NOTCH4: variants seen among roughly 807,000 people sequenced by gnomAD.
NOTCH4 encodes the protein neurogenic locus notch homolog protein 4.
Under a neutral mutation model 189.0 loss-of-function variants are expected in NOTCH4, and 138 were observed. The observed-to-expected ratio is 0.73, with a 90% confidence interval of 0.64 to 0.84. The LOEUF (loss-of-function observed/expected upper bound fraction) is 0.84. Ranked by LOEUF, NOTCH4 falls within the 40% of genes least tolerant of loss-of-function variation. The pLI is 0.00. For missense variants in NOTCH4, 2,286 were observed against 2,605.4 expected (o/e 0.88, Z 2.67); for synonymous variants, 942 against 1,032.8 (o/e 0.91, Z 1.69).
intron 8 of NOTCH4, 116 bp from the exon 9 acceptor site, chr6:32,218,224 G>A (rs1186127839): frequency 8.7e-6 from 6 of 689,396 alleles, no homozygotes; most frequent in African/African-American, 7.0e-5. Flanking sequence ...CCCCCGAGGT[G>A]CTGTCTGCAT....
chr6:32,197,352 C>T lies in NOTCH4; in HGVS notation c.4999G>A (p.Gly1667Arg). The change falls in exon 27 of 30, where the codon GGG (glycine) becomes AGG (arginine). Residue 1667 changes from glycine (G) to arginine (R), a missense_variant. Physicochemically the swap from Gly to Arg is moderately radical, Grantham distance 125. Around this residue, in one of 2 missense-constraint regions of NOTCH4, gnomAD observed 1,903 missense variants for 2,261.9 expected, o/e 0.84. Coordinates refer to ENST00000375023, the MANE Select transcript of NOTCH4 (RefSeq NM_004557.4). ...GANPNQPDRAGRTPLHAAVAA... is the reference protein window; with the variant it reads ...GANPNQPDRARRTPLHAAVAA... ...ACAGCAGCATGAAGGGGTGTGCGCC[C>T]TGCCCGGTCTGGCTGGTTGGGGTTG... is the stretch of plus-strand genomic sequence containing the variant. 1 of 1,535,334 alleles carries T rather than the reference C, an allele frequency of 6.5e-7. No individual in the cohort carries two copies.
chr6:32,195,968 G>C lies in NOTCH4; in HGVS notation c.5481C>G (p.Ala1827=), dbSNP rs772446887. Reference sequence around the variant, plus strand: ...CGCGGCCCGGCGTGGCTTTGTGACGGGCCTCTGGTGGCCCAGCCCCTTCCA... The same window carrying C: ...CGCGGCCCGGCGTGGCTTTGTGACGCGCCTCTGGTGGCCCAGCCCCTTCCA... ...TLLEGAGPPE[A]RHKATPGREA... The change falls in exon 30 of 30, where the codon GCC becomes GCG. Residue 1827 remains alanine (A), a synonymous_variant. Coordinates refer to ENST00000375023, the MANE Select transcript of NOTCH4 (RefSeq NM_004557.4). The surrounding 1 kb of genome is among the most constrained non-coding windows in gnomAD (Gnocchi z 5.4). 2.5e-6 allele frequency: 4 copies of C among 1,597,112 alleles called. No individual in the cohort carries two copies. Among genetic ancestry groups the C allele is most frequent in the Non-Finnish European group, 3.4e-6 (4 of 1,178,606 alleles).
In NOTCH4 at chr6:32,198,654, C is replaced by T; in HGVS notation, c.4612G>A (p.Gly1538Ser). 6.2e-7 allele frequency: 1 copy of T among 1,612,116 alleles called. No individual in the cohort carries two copies. The highest frequency in any genetic ancestry group is 8.5e-7 in the Non-Finnish European group (1 of 1,179,614). The change falls in exon 25 of 30, where the codon GGC becomes AGC. Residue 1538 changes from glycine (G) to serine (S), a missense_variant. By Grantham distance (56) the Gly-to-Ser change is moderately conservative. This residue lies in a region of NOTCH4 where 1,903 missense variants were observed against 2,261.9 expected (regional missense o/e 0.84). Transcript: ENST00000375023. This position sits in a 1 kb window ranked among gnomAD's most constrained non-coding sequence, Gnocchi z 5.5. ...TCTTGCCCCAGCCCTTTCACCTGGCCCACCTCCTCTCCCTCCTCAGGGCCT... is the reference window on the plus strand; with the variant it reads ...TCTTGCCCCAGCCCTTTCACCTGGCTCACCTCCTCTCCCTCCTCAGGGCCT... ...CSGPEEGEEVGQAEETGPPST... is the reference protein window; with the variant it reads ...CSGPEEGEEVSQAEETGPPST...
In NOTCH4 at chr6:32,195,592, A is replaced by G. The variant is rs1314841244; in HGVS notation, c.5857T>C (p.Trp1953Arg). 2 of 1,612,998 alleles carry G rather than the reference A, an allele frequency of 1.2e-6. No homozygotes were observed. Among genetic ancestry groups the G allele is most frequent in the East Asian group, 2.2e-5 (1 of 44,900 alleles). ...GAACCGCAAGCTCCCAGGGCCACCC[A>G]ATCACAGGGCCAGTCATCCGTTGAG... ...RVSTDDWPCDWVALGACGSAS... is the reference protein window; with the variant it reads ...RVSTDDWPCDRVALGACGSAS... The change falls in exon 30 of 30, where the codon TGG becomes CGG. Residue 1953 changes from tryptophan (W) to arginine (R), a missense_variant. Transcript: ENST00000375023. This position sits in a 1 kb window ranked among gnomAD's most constrained non-coding sequence, Gnocchi z 5.4.
chr6:32,217,166 G>A lies in NOTCH4; in HGVS notation c.1725C>T (p.Cys575=), dbSNP rs750425614. ...GCCCCAGTTTACCTGGGAGACACTT[G>A]CAGTGGAAGGCTCCAGGCTGGTCCT... ...QCQDQPGAFH[C]KCLPGFEGPR... Residue 575 remains cysteine, a synonymous_variant, in exon 10 of 30, where the codon TGC becomes TGT. Coordinates refer to ENST00000375023, the MANE Select transcript of NOTCH4 (RefSeq NM_004557.4). This position sits in a 1 kb window ranked among gnomAD's most constrained non-coding sequence, Gnocchi z 4.2. 6.2e-7 allele frequency: 1 copy of A among 1,612,898 alleles called. No homozygotes were observed. The highest frequency in any genetic ancestry group is 1.1e-5 in the South Asian group (1 of 91,078).
rs488771 is a variant in NOTCH4, at chr6:32,198,111, A to G, written c.4756+310T>C. On this transcript the variant is annotated intron_variant, in intron 26 of 29. Transcript: ENST00000375023. This position sits in a 1 kb window ranked among gnomAD's most constrained non-coding sequence, Gnocchi z 5.5. Reference sequence around the variant, plus strand: ...GCTGGGATTACAGGCGTGAGCCACCACGCCCGGCCTAGCAGTGGTTTTCTC... The same window carrying G: ...GCTGGGATTACAGGCGTGAGCCACCGCGCCCGGCCTAGCAGTGGTTTTCTC... 6.6e-6 allele frequency among the ~76,000 whole-genome samples: 1 copy of G among 152,106 alleles called. No individual in the cohort carries two copies.
chr6:32,199,181 T>C lies in NOTCH4; in HGVS notation c.4316-36A>G. On this transcript the variant is annotated intron_variant, in intron 23 of 29. Coordinates refer to ENST00000375023, the MANE Select transcript of NOTCH4 (RefSeq NM_004557.4). The surrounding 1 kb of genome is among the most constrained non-coding windows in gnomAD (Gnocchi z 4.9). ...AGACAGAGTCACAAAGAGAGGCCAC[T>C]CCTGGTGAGACTGATTACTATTGGG... The C allele has an allele frequency of 6.8e-7, 1 of 1,471,916 alleles. No homozygotes were observed. Among genetic ancestry groups the C allele is most frequent in the Non-Finnish European group, 9.2e-7 (1 of 1,092,026 alleles). The allele number at this position is 1,471,916 out of a possible 1,614,324, so 91.2% of individuals were successfully genotyped here.
chr6:32,204,475 GT>G, intron 18 of NOTCH4, 86 bp from the exon 19 acceptor site: 4 of 1,457,556 alleles, frequency 2.7e-6, no homozygotes, highest in Non-Finnish European at 3.7e-6. Context: ...AGTCTGTCCA[GT>G]CCCCCACCTT....
At chr6:32,220,021 G>T in intron 7 of NOTCH4, 108 bp downstream of exon 7, 1 of 1,351,904 alleles carries the variant, frequency 7.4e-7, no homozygotes, top group South Asian at 1.2e-5. Flanking sequence ...CAAATTCAAG[G>T]AAAAAGATGT....
In NOTCH4 at chr6:32,210,849, T is replaced by G. The variant is rs778334917; in HGVS notation, c.2768A>C (p.Gln923Pro). 1 of 1,612,940 alleles carries G rather than the reference T, an allele frequency of 6.2e-7. No homozygotes were observed. Among genetic ancestry groups the G allele is most frequent in the Non-Finnish European group, 8.5e-7 (1 of 1,179,982 alleles). ...SYFCHCPPGF[Q>P]GSLCQDHVNP... ...CACGTGATCCTGGCACAGGCTGCCT[T>G]GGAATCCAGGGGGGCAGTGGCAGAA... Residue 923 changes from glutamine to proline, a missense_variant, in exon 18 of 30, where the codon CAA becomes CCA. Around this residue, in one of 2 missense-constraint regions of NOTCH4, gnomAD observed 1,903 missense variants for 2,261.9 expected, o/e 0.84. Coordinates refer to ENST00000375023, the MANE Select transcript of NOTCH4 (RefSeq NM_004557.4). This position sits in a 1 kb window ranked among gnomAD's most constrained non-coding sequence, Gnocchi z 4.8.
rs761216718 is a variant in NOTCH4 at position 32,204,251 on chromosome 6, G to A, written c.3004C>T (p.Arg1002Cys). ...CACPPGFVGL[R>C]CEGDVDECLD... ...CACTCGTCCACGTCTCCCTCACAGCGTAGCCCCACAAAGCCTGGAGGGCAG... is the reference window on the plus strand; with the variant it reads ...CACTCGTCCACGTCTCCCTCACAGCATAGCCCCACAAAGCCTGGAGGGCAG... Residue 1002 changes from arginine (R) to cysteine (C), a missense_variant, in exon 19 of 30, where the codon CGC becomes TGC. Around this residue, in one of 2 missense-constraint regions of NOTCH4, gnomAD observed 1,903 missense variants for 2,261.9 expected, o/e 0.84. Coordinates refer to ENST00000375023, the MANE Select transcript of NOTCH4 (RefSeq NM_004557.4). The A allele has an allele frequency of 5.0e-6, 8 of 1,613,080 alleles. No individual in the cohort carries two copies. Among genetic ancestry groups the A allele is most frequent in the East Asian group, 2.2e-5 (1 of 44,886 alleles).
chr6:32,210,221 C>T lies in NOTCH4; in HGVS notation c.2865+531G>A, dbSNP rs980555884. Among the ~76,000 whole-genome samples the T allele has an allele frequency of 1.3e-5, 2 of 152,018 alleles. No homozygotes were observed. The highest frequency in any genetic ancestry group is 2.9e-5 in the Non-Finnish European group (2 of 68,016). The stretch of plus-strand genomic sequence containing the variant: ...AATAGCAGGGATAAAGGCTGAGAGG[C>T]AAGAATCAGTATGGGGTACGTGGCA... On this transcript the variant is annotated intron_variant, in intron 18 of 29. Transcript: ENST00000375023. The surrounding 1 kb of genome is among the most constrained non-coding windows in gnomAD (Gnocchi z 4.8).
rs148269570 is a variant in NOTCH4 at position 32,202,494 on chromosome 6, G to A, written c.3337C>T (p.Arg1113Cys). 198 of 1,612,628 alleles carry A rather than the reference G, an allele frequency of 1.2e-4. No homozygotes were observed. Among genetic ancestry groups the A allele is most frequent in the South Asian group, 4.7e-4 (43 of 91,066 alleles). ...CCATAGCCACTGAGGCAGGCACAGC[G>A]TGGTGGGAAGCCTGGCTTAGGGGAG... ...LPSPKPGFPP[R>C]CACLSGYGGP... The change falls in exon 21 of 30, where the codon CGC becomes TGC. Residue 1113 changes from arginine (R) to cysteine (C), a missense_variant. By Grantham distance (180) the Arg-to-Cys change is radical (BLOSUM62 -3). Around this residue, in one of 2 missense-constraint regions of NOTCH4, gnomAD observed 1,903 missense variants for 2,261.9 expected, o/e 0.84. Transcript: ENST00000375023. This position sits in a 1 kb window ranked among gnomAD's most constrained non-coding sequence, Gnocchi z 5.7.
chr6:32,201,946 A>C lies in NOTCH4; in HGVS notation c.3755+130T>G. Reference sequence around the variant, plus strand: ...CAGAGTCTTCGACCCCTGTTTAGTGATGGTTATTAGGGTGGAAACTCCCTG... The same window carrying C: ...CAGAGTCTTCGACCCCTGTTTAGTGCTGGTTATTAGGGTGGAAACTCCCTG... On this transcript the variant is annotated intron_variant, in intron 21 of 29. Coordinates refer to ENST00000375023, the MANE Select transcript of NOTCH4 (RefSeq NM_004557.4). The surrounding 1 kb of genome is among the most constrained non-coding windows in gnomAD (Gnocchi z 5.5). The C allele has an allele frequency of 1.2e-6, 1 of 841,080 alleles. No individual in the cohort carries two copies. Among genetic ancestry groups the C allele is most frequent in the Non-Finnish European group, 1.6e-6 (1 of 606,186 alleles). The allele number at this position is 841,080 out of a possible 1,614,324, so 52.1% of individuals were successfully genotyped here.
At position 32,220,297 on chromosome 6, in the gene NOTCH4, GA is replaced by G. The variant is rs1789669871; in HGVS notation, c.1160-14del. Reference sequence around the variant, plus strand: ...TGGCACAGGAGTCCTGGAGGGGTAAGAGGGGGTGAGGCTCTCAAAGGCCACT... The same window carrying G: ...TGGCACAGGAGTCCTGGAGGGGTAAGGGGGGTGAGGCTCTCAAAGGCCACT... On this transcript the variant is annotated splice_polypyrimidine_tract_variant and intron_variant, in intron 6 of 29. Coordinates refer to ENST00000375023, the MANE Select transcript of NOTCH4 (RefSeq NM_004557.4). 5.0e-6 allele frequency: 8 copies of G among 1,610,788 alleles called. No individual in the cohort carries two copies. Among genetic ancestry groups the G allele is most frequent in the Non-Finnish European group, 6.8e-6 (8 of 1,177,646 alleles).
Position 32,212,537 on chromosome 6 carries a change from C to A in NOTCH4, c.2617G>T (p.Gly873Ter), listed in dbSNP as rs760538818. ...AGGTTGCAGAGAGGCCCGGTCCATC[C>A]CTGGAGGCACAAGCAGTGGAAGGAG... ...GPSFHCLCLQ[G>*]WTGPLCNLPL... Residue 873 changes from glycine to a stop codon, truncating the protein, a stop_gained, in exon 17 of 30, where the codon GGA becomes TGA. Coordinates refer to ENST00000375023, the MANE Select transcript of NOTCH4 (RefSeq NM_004557.4). LOFTEE classifies it high-confidence loss of function. The surrounding 1 kb of genome is among the most constrained non-coding windows in gnomAD (Gnocchi z 4.4). The A allele has an allele frequency of 1.9e-6, 3 of 1,613,036 alleles. No homozygotes were observed. Among genetic ancestry groups the A allele is most frequent in the Non-Finnish European group, 2.5e-6 (3 of 1,179,988 alleles).
chr6:32,203,838 A>C lies in NOTCH4; in HGVS notation c.3163T>G (p.Cys1055Gly), dbSNP rs1788504023. 6.4e-7 allele frequency: 1 copy of C among 1,562,502 alleles called. No individual in the cohort carries two copies. The highest frequency in any genetic ancestry group is 8.7e-7 in the Non-Finnish European group (1 of 1,152,802). Reference protein sequence around the residue: ...VEIDPCHSQPCFHGGTCEATA... With the variant: ...VEIDPCHSQPGFHGGTCEATA... The stretch of plus-strand genomic sequence containing the variant: ...GCCTCACAGGTCCCTCCATGAAAGC[A>C]GGGTTGGCTGTGGCAGGGGTCTATC... The change falls in exon 20 of 30, where the codon TGC (cysteine) becomes GGC (glycine). Residue 1055 changes from cysteine (C) to glycine (G), a missense_variant. Around this residue, in one of 2 missense-constraint regions of NOTCH4, gnomAD observed 1,903 missense variants for 2,261.9 expected, o/e 0.84. Coordinates refer to ENST00000375023, the MANE Select transcript of NOTCH4 (RefSeq NM_004557.4).
At chr6:32,218,171 T>A in intron 8 of NOTCH4, 63 bp from the exon 9 acceptor site, 1 of 1,093,208 alleles carries the variant, frequency 9.1e-7, no homozygotes, top group Non-Finnish European at 1.4e-6. Context: ...ACCTGTGTTC[T>A]AGAATCGGCC....
chr6:32,220,346 G>T (rs2127486788), intron 6 of NOTCH4, 59 bp downstream of exon 6: 3 of 1,610,782 alleles, frequency 1.9e-6, no homozygotes, highest in Non-Finnish European at 2.5e-6. Context: ...CAGTCCTCCT[G>T]GTGCTTCTCT....
Sources: allele counts gnomAD v4.1 joint callset (sites outside exome capture counted in the v4.1 genomes callset), GRCh38; gene constraint gnomAD v4.1.1; regional missense constraint gnomAD v4.1.1; non-coding constraint Gnocchi (gnomAD v3.1); transcripts MANE v1.5; gene names NCBI Gene and HGNC (gene_info 2026-07-23, HGNC 2026-07-21).